SGCZ: variants seen among roughly 807,000 people sequenced by gnomAD.
SGCZ encodes sarcoglycan zeta, also known as zeta-sarcoglycan.
In SGCZ, 40 loss-of-function variants were observed where a neutral mutation model predicts 41.3. That is an observed-to-expected ratio of 0.97 (90% CI 0.75 to 1.26). The LOEUF is 1.26. Ranked by LOEUF, SGCZ falls within the 50% of genes most tolerant of loss-of-function variation. The probability of loss-of-function intolerance (pLI) is 0.00; values close to 1 mark genes in which losing one functional copy is unlikely to be tolerated. For missense variants in SGCZ, 552 were observed against 369.8 expected (o/e 1.49, Z -4.04); for synonymous variants, 206 against 137.5 (o/e 1.50, Z -3.49).
At chr8:14,147,095 T>C (rs1489720068) in intron 5 of SGCZ, among the ~76,000 whole-genome samples, 1 of 151,526 alleles carries the variant, frequency 6.6e-6, no homozygotes, top group Non-Finnish European at 1.5e-5. Flanking sequence ...CATGGTAATC[T>C]CAAACCAAAT....
chr8:14,223,882 G>C (rs572822379), intron 4 of SGCZ, among the ~76,000 whole-genome samples: 93 of 152,222 alleles, frequency 6.1e-4, no homozygotes, highest in African/African-American at 2.0e-3. Context: ...AATAGTGATA[G>C]CAGTTAACAC....
Position 14,522,977 on chromosome 8 carries a change from T to A in SGCZ, c.234+31755A>T, listed in dbSNP as rs77268760. ...TTAATTTTTAGTGCATCTCTTTGTA[T>A]AATATTTTGGAGGTTACTCTGAAAA... On this transcript the variant is annotated intron_variant, in intron 2 of 7. Coordinates refer to ENST00000382080, the MANE Select transcript of SGCZ (RefSeq NM_139167.4). Among the ~76,000 whole-genome samples, 1,014 of 152,076 alleles carry A rather than the reference T, an allele frequency of 6.7e-3. 13 individuals are homozygous for A. Among genetic ancestry groups the A allele is most frequent in the African/African-American group, 0.023 (976 of 41,542 alleles).
intron 1 of SGCZ, among the ~76,000 whole-genome samples, chr8:14,596,295 C>A (rs1364162846): frequency 1.3e-5 from 2 of 152,018 alleles, no homozygotes; most frequent in Non-Finnish European, 2.9e-5. Context: ...TGAATTTTGC[C>A]TAGTATATAG....
In SGCZ at chr8:14,549,639, C is replaced by T. The variant is rs147191765; in HGVS notation, c.234+5093G>A. Among the ~76,000 whole-genome samples, 24 of 152,008 alleles carry T rather than the reference C, an allele frequency of 1.6e-4. No homozygotes were observed. In the East Asian group the frequency reaches 2.7e-3, roughly 17 times the overall value. ...TACACTTCAAAGGGACAAGGAAATG[C>T]GGGGACGTTGATAGAGGAGAAGAGG... On this transcript the variant is annotated intron_variant, in intron 2 of 7. Coordinates refer to ENST00000382080, the MANE Select transcript of SGCZ (RefSeq NM_139167.4).
chr8:14,250,819 C>G (rs1378058093), intron 3 of SGCZ, among the ~76,000 whole-genome samples: 1 of 152,198 alleles, frequency 6.6e-6, no homozygotes, highest in Non-Finnish European at 1.5e-5. Context: ...GCCCTGACAA[C>G]TCTTCTTCCC....
chr8:14,766,258 C>A (rs1050766935), intron 1 of SGCZ, among the ~76,000 whole-genome samples: 1 of 151,650 alleles, frequency 6.6e-6, no homozygotes, highest in Admixed American at 6.6e-5. Context: ...TGGCCCCCAG[C>A]CAGATAGGCA....
chr8:14,190,641 C>T (rs1043698298), intron 4 of SGCZ, among the ~76,000 whole-genome samples: 4 of 151,870 alleles, frequency 2.6e-5, no homozygotes, highest in African/African-American at 7.3e-5. Flanking sequence ...CTCGCTCTGT[C>T]GCCCAGGCTG....
chr8:15,232,007 C>T (rs747659366), intron 1 of SGCZ, among the ~76,000 whole-genome samples: 1 of 152,166 alleles, frequency 6.6e-6, no homozygotes, highest in Non-Finnish European at 1.5e-5. Flanking sequence ...AAACCAAGCA[C>T]AATTCTCAAC....
chr8:14,764,490 C>T (rs932152905), intron 1 of SGCZ, among the ~76,000 whole-genome samples: 26 of 152,098 alleles, frequency 1.7e-4, no homozygotes, highest in African/African-American at 5.6e-4. Flanking sequence ...TAAGTGTAAA[C>T]CATCACCTAC....
At chr8:14,398,122 C>G (rs4831579) in intron 2 of SGCZ, among the ~76,000 whole-genome samples, 28,764 of 152,074 alleles carry the variant, frequency 0.19, 3,466 homozygotes, top group Non-Finnish European at 0.28. Context: ...TAGATTTTCC[C>G]TGTCTGGAAA....
chr8:14,106,334 G>A (rs1802202276), intron 6 of SGCZ, among the ~76,000 whole-genome samples: 1 of 152,116 alleles, frequency 6.6e-6, no homozygotes, highest in African/African-American at 2.4e-5. Flanking sequence ...GAAGACCGTA[G>A]CATCCTATGA....
At chr8:14,673,838 A>T (rs528510882) in intron 1 of SGCZ, among the ~76,000 whole-genome samples, 1 of 152,350 alleles carries the variant, frequency 6.6e-6, no homozygotes, top group Non-Finnish European at 1.5e-5. Flanking sequence ...ATTAATGCAA[A>T]AGAAAACTAA....
intron 1 of SGCZ, among the ~76,000 whole-genome samples, chr8:14,872,155 C>T (rs758619672): frequency 8.6e-5 from 13 of 151,824 alleles, no homozygotes; most frequent in African/African-American, 1.9e-4. Context: ...ACATCACACA[C>T]CAGGGCCTGA....
intron 4 of SGCZ, among the ~76,000 whole-genome samples, chr8:14,206,396 TAATA>T (rs1339652155): frequency 6.6e-6 from 1 of 152,150 alleles, no homozygotes; most frequent in Non-Finnish European, 1.5e-5. Context: ...ACATAAATCA[TAATA>T]AATAAGCACA....
intron 4 of SGCZ, among the ~76,000 whole-genome samples, chr8:14,234,511 A>G (rs914809334): frequency 2.6e-5 from 4 of 152,134 alleles, no homozygotes; most frequent in Non-Finnish European, 5.9e-5. Flanking sequence ...ACAGAAATCG[A>G]TGCATTCTAT....
At chr8:14,190,583 C>G (rs1805067380) in intron 4 of SGCZ, among the ~76,000 whole-genome samples, 1 of 151,802 alleles carries the variant, frequency 6.6e-6, no homozygotes, top group South Asian at 2.1e-4. Flanking sequence ...TGTTGGATGA[C>G]ATATAAATCT....
At chr8:14,514,720 T>C (rs1025592511) in intron 2 of SGCZ, among the ~76,000 whole-genome samples, 14 of 148,742 alleles carry the variant, frequency 9.4e-5, no homozygotes, top group African/African-American at 3.4e-4. Context: ...TTTACATATA[T>C]AAACATATTT....
At chr8:14,630,822 G>C (rs1475805135) in intron 1 of SGCZ, among the ~76,000 whole-genome samples, 1 of 146,062 alleles carries the variant, frequency 6.8e-6, no homozygotes, top group African/African-American at 2.5e-5. Context: ...ATTGAACAAT[G>C]AGAACACTTG....
intron 1 of SGCZ, among the ~76,000 whole-genome samples, chr8:14,802,699 T>A (rs1254603319): frequency 6.6e-6 from 1 of 152,216 alleles, no homozygotes; most frequent in Non-Finnish European, 1.5e-5. Flanking sequence ...CATTGCTTAT[T>A]GAAACTGGTA....
Sources: allele counts gnomAD v4.1 joint callset (sites outside exome capture counted in the v4.1 genomes callset), GRCh38; gene constraint gnomAD v4.1.1; transcripts MANE v1.5; gene names NCBI Gene and HGNC (gene_info 2026-07-23, HGNC 2026-07-21).